The following ARHGAP24 variants were observed in gnomAD, a reference collection of about 807,000 sequenced individuals.
ARHGAP24 encodes rho GTPase-activating protein 24.
ARHGAP24 carries 50 observed loss-of-function variants against 76.4 expected under a neutral mutation model. The observed-to-expected ratio is 0.65, with a 90% CI of 0.52 to 0.83. The LOEUF (loss-of-function observed/expected upper bound fraction) is 0.83, where lower values mean the gene tolerates loss of function less well. Ranked by LOEUF, ARHGAP24 falls within the 40% of genes least tolerant of loss-of-function variation. ARHGAP24 has a pLI of 0.00. For missense variants in ARHGAP24, 930 were observed against 914.2 expected (o/e 1.02, Z -0.22); for synonymous variants, 345 against 323.3 (o/e 1.07, Z -0.72).
intron 2 of ARHGAP24, among the ~76,000 whole-genome samples, chr4:85,606,111 C>CA (rs1169652882): frequency 6.6e-6 from 1 of 151,950 alleles, no homozygotes; most frequent in Non-Finnish European, 1.5e-5. Flanking sequence ...GATTCAGATG[C>CA]AAAAAAATGT....
At chr4:85,873,734 T>C (rs1479410964) in intron 3 of ARHGAP24, among the ~76,000 whole-genome samples, 1 of 152,210 alleles carries the variant, frequency 6.6e-6, no homozygotes, top group African/African-American at 2.4e-5. Context: ...TATGTTTCTG[T>C]TATGTGACCT....
At chr4:85,491,247 A>C (rs1044903379) in intron 1 of ARHGAP24, among the ~76,000 whole-genome samples, 17 of 152,196 alleles carry the variant, frequency 1.1e-4, no homozygotes, top group Non-Finnish European at 2.5e-4. Flanking sequence ...GTTTTAGATC[A>C]TAATTTTTTA....
At chr4:85,719,762 G>A (rs1724859391) in intron 2 of ARHGAP24, among the ~76,000 whole-genome samples, 1 of 152,130 alleles carries the variant, frequency 6.6e-6, no homozygotes, top group Non-Finnish European at 1.5e-5. Context: ...TTCCCTTACA[G>A]TTTAACGAGG....
At chr4:85,821,527 C>T (rs1729470690) in intron 3 of ARHGAP24, among the ~76,000 whole-genome samples, 1 of 152,146 alleles carries the variant, frequency 6.6e-6, no homozygotes, top group African/African-American at 2.4e-5. Context: ...AAGCACATGG[C>T]ATCATGCCTG....
chr4:85,642,584 T>C (rs1332677767), intron 2 of ARHGAP24, among the ~76,000 whole-genome samples: 2 of 127,864 alleles, frequency 1.6e-5, no homozygotes, highest in African/African-American at 6.2e-5. Context: ...TCTCTCACAA[T>C]AGCTCACATT....
chr4:85,948,710 G>A (rs1232833951), intron 5 of ARHGAP24, among the ~76,000 whole-genome samples: 6 of 152,102 alleles, frequency 3.9e-5, no homozygotes, highest in East Asian at 1.9e-4. Context: ...ATAAAAAAAG[G>A]TTTCTATTGC....
intron 4 of ARHGAP24, chr4:85,930,349 A>AG (rs1023038780): frequency 7.1e-6 from 7 of 985,566 alleles, no homozygotes; most frequent in East Asian, 1.1e-4. Context: ...TAAAAGAAGC[A>AG]GGGGGGTCCT....
chr4:85,815,008 C>G (rs771890340), intron 3 of ARHGAP24, among the ~76,000 whole-genome samples: 2 of 152,196 alleles, frequency 1.3e-5, no homozygotes, highest in South Asian at 4.1e-4. Context: ...ATGGAAGCTG[C>G]CAAGGCTTGG....
chr4:85,658,789 G>T (rs189897775), intron 2 of ARHGAP24, among the ~76,000 whole-genome samples: 25 of 152,306 alleles, frequency 1.6e-4, no homozygotes, highest in Admixed American at 1.5e-3. Context: ...TGGTTTGTTG[G>T]GAATAGGATG....
intron 2 of ARHGAP24, among the ~76,000 whole-genome samples, chr4:85,611,936 A>C (rs530370988): frequency 6.6e-6 from 1 of 152,202 alleles, no homozygotes; most frequent in South Asian, 2.1e-4. Context: ...CAGGTTCTGT[A>C]TAGTACCAGT....
At chr4:85,761,867 T>A (rs1726748233) in intron 3 of ARHGAP24, among the ~76,000 whole-genome samples, 1 of 152,212 alleles carries the variant, frequency 6.6e-6, no homozygotes, top group Non-Finnish European at 1.5e-5. Context: ...AGCACAGCTT[T>A]CACTGAACCA....
chr4:85,732,011 G>T (rs1236185652), intron 3 of ARHGAP24, among the ~76,000 whole-genome samples: 5 of 152,184 alleles, frequency 3.3e-5, no homozygotes, highest in African/African-American at 1.2e-4. Context: ...AAATAAATGT[G>T]ATCTTTCCCA....
At chr4:85,762,824 T>C (rs981713706) in intron 3 of ARHGAP24, among the ~76,000 whole-genome samples, 2 of 152,202 alleles carry the variant, frequency 1.3e-5, no homozygotes, top group South Asian at 4.1e-4. Context: ...TCTATACAGT[T>C]GGTTTAACTA....
rs754096511 is a variant in ARHGAP24, at chr4:86,000,532, A to G, written c.2057A>G (p.Glu686Gly). ...LETEMMSLHD[E>G]LDQERKKFTM... ...ACAGAAATGATGAGCCTCCATGATG[A>G]ACTGGATCAGGAGAGGAAAAAGTTC... Residue 686 changes from glutamate (E) to glycine (G), a missense_variant, in exon 10 of 10, where the codon GAA becomes GGA. Transcript: ENST00000395184. The G allele has an allele frequency of 8.8e-6, 14 of 1,598,462 alleles. No homozygotes were observed. Among genetic ancestry groups the G allele is most frequent in the Non-Finnish European group, 1.2e-5 (14 of 1,173,152 alleles).
At chr4:85,506,013 G>T (rs990645342) in intron 1 of ARHGAP24, among the ~76,000 whole-genome samples, 1 of 152,060 alleles carries the variant, frequency 6.6e-6, no homozygotes, top group Admixed American at 6.6e-5. Flanking sequence ...TTTGCTGGAG[G>T]TCCACTCCAG....
intron 3 of ARHGAP24, among the ~76,000 whole-genome samples, chr4:85,737,270 C>G (rs928988020): frequency 3.3e-5 from 5 of 152,116 alleles, no homozygotes; most frequent in African/African-American, 1.2e-4. Context: ...TCTGTTCAGC[C>G]CTTTGTTAAC....
At chr4:85,936,084 T>C (rs1736618666) in intron 4 of ARHGAP24, among the ~76,000 whole-genome samples, 1 of 152,200 alleles carries the variant, frequency 6.6e-6, no homozygotes, top group African/African-American at 2.4e-5. Context: ...TATGGGTGAA[T>C]GTTCATTTTA....
chr4:85,982,633 A>C (rs1368140579), intron 8 of ARHGAP24, among the ~76,000 whole-genome samples: 1 of 152,142 alleles, frequency 6.6e-6, no homozygotes. Context: ...GTATTTAAAG[A>C]AAAAGTGTTC....
chr4:85,674,202 G>A (rs941164578), intron 2 of ARHGAP24, among the ~76,000 whole-genome samples: 13 of 152,160 alleles, frequency 8.5e-5, no homozygotes, highest in African/African-American at 2.7e-4. Flanking sequence ...TTTCCTGGAT[G>A]CTGTTGATGC....
Sources: allele counts gnomAD v4.1 joint callset (sites outside exome capture counted in the v4.1 genomes callset), GRCh38; gene constraint gnomAD v4.1.1; transcripts MANE v1.5; gene names NCBI Gene and HGNC (gene_info 2026-07-23, HGNC 2026-07-21).